Variants in STARD13 observed in about 807,000 individuals in gnomAD.
STARD13 encodes stAR-related lipid transfer protein 13.
In STARD13, 62 loss-of-function variants were observed where a neutral mutation model predicts 106.4. The ratio of observed to expected loss-of-function variants is 0.58; its 90% CI spans 0.48 to 0.72. STARD13 has a LOEUF of 0.72. Ranked by LOEUF, STARD13 falls within the 30% of genes least tolerant of loss-of-function variation. The pLI is 0.00. For missense variants in STARD13, 1,387 were observed against 1,424.0 expected (o/e 0.97, Z 0.42); for synonymous variants, 565 against 553.0 (o/e 1.02, Z -0.31).
the STARD13 span, among the ~76,000 whole-genome samples, chr13:33,573,958 G>T: frequency 1.3e-5 from 2 of 152,068 alleles, no homozygotes; most frequent in Non-Finnish European, 1.5e-5. Context: ...ATAAAACTGT[G>T]ATTTCAGAGT....
the STARD13 span, among the ~76,000 whole-genome samples, chr13:33,532,400 T>C: frequency 9.2e-5 from 14 of 152,172 alleles, no homozygotes; most frequent in African/African-American, 3.1e-4. Flanking sequence ...TGGTAGAGTG[T>C]CTTGATATTA....
intron 1 of STARD13, among the ~76,000 whole-genome samples, chr13:33,180,191 T>G (rs1219043228): frequency 1.3e-5 from 2 of 152,254 alleles, no homozygotes; most frequent in African/African-American, 4.8e-5. Context: ...TGTGACACTT[T>G]GGATATGTGA....
At chr13:33,652,515 A>G in the STARD13 span, among the ~76,000 whole-genome samples, 24 of 152,346 alleles carry the variant, frequency 1.6e-4, no homozygotes, top group Middle Eastern at 3.4e-3. Flanking sequence ...TACTCCTCAT[A>G]TGGGTACAGA....
chr13:33,563,892 C>G, the STARD13 span, among the ~76,000 whole-genome samples: 1 of 147,300 alleles, frequency 6.8e-6, no homozygotes, highest in Non-Finnish European at 1.5e-5. Context: ...CACGAAAAAT[C>G]TGATTTAAAA....
chr13:33,142,874 G>A (rs1157450748), intron 3 of STARD13, among the ~76,000 whole-genome samples: 3 of 152,156 alleles, frequency 2.0e-5, no homozygotes, highest in South Asian at 2.1e-4. Context: ...GAACACATAC[G>A]TTGAAGCCCT....
chr13:33,215,119 T>TGGC (rs1887957791), intron 1 of STARD13, among the ~76,000 whole-genome samples: 1 of 75,568 alleles, frequency 1.3e-5, no homozygotes, highest in African/African-American at 5.1e-5. Flanking sequence ...AATGAGTACT[T>TGGC]GGGGGGGGGG....
chr13:33,528,230 A>G, the STARD13 span, among the ~76,000 whole-genome samples: 15 of 129,272 alleles, frequency 1.2e-4, no homozygotes, highest in African/African-American at 5.4e-4. Context: ...GTGTGTGTAT[A>G]TATATATATA....
At chr13:33,501,031 T>G in the STARD13 span, among the ~76,000 whole-genome samples, 1 of 142,520 alleles carries the variant, frequency 7.0e-6, no homozygotes, top group African/African-American at 2.6e-5. Flanking sequence ...CCTAAAAAAA[T>G]AACAAAAAAC....
At chr13:33,666,376 C>G in the STARD13 span, among the ~76,000 whole-genome samples, 1 of 152,200 alleles carries the variant, frequency 6.6e-6, no homozygotes, top group African/African-American at 2.4e-5. Context: ...TCACTGCAAG[C>G]TCCACCTCCC....
rs1314025533 is a variant in STARD13 at position 33,129,717 on chromosome 13, T to C, written c.960A>G (p.Arg320=). 2 of 1,614,150 alleles carry C rather than the reference T, an allele frequency of 1.2e-6. No individual in the cohort carries two copies. The highest frequency in any genetic ancestry group is 2.2e-5 in the East Asian group (1 of 44,884). The part of the protein sequence containing the change: ...DLQNSPPPAC[R]KGLPCSGKSS... Reference sequence around the variant, plus strand: ...ACTTGCCAGAGCATGGGAGCCCTTTTCTGCAGGCAGGTGGCGGCGAATTCT... The same window carrying C: ...ACTTGCCAGAGCATGGGAGCCCTTTCCTGCAGGCAGGTGGCGGCGAATTCT... Residue 320 remains arginine (R), a synonymous_variant, in exon 5 of 14, where the codon AGA becomes AGG. Transcript: ENST00000336934.
chr13:33,602,242 C>G, the STARD13 span, among the ~76,000 whole-genome samples: 1 of 152,098 alleles, frequency 6.6e-6, no homozygotes, highest in East Asian at 1.9e-4. Context: ...CAGGCACGTG[C>G]AACCACGCCC....
intron 1 of STARD13, among the ~76,000 whole-genome samples, chr13:33,202,839 C>T (rs762533099): frequency 1.3e-5 from 2 of 152,030 alleles, no homozygotes; most frequent in Admixed American, 6.6e-5. Flanking sequence ...AGGAGGGACA[C>T]GGGTGGCAAA....
At chr13:33,109,449 T>C (rs895843043) in intron 12 of STARD13, among the ~76,000 whole-genome samples, 2 of 152,228 alleles carry the variant, frequency 1.3e-5, no homozygotes, top group Non-Finnish European at 2.9e-5. Context: ...AGATGAGTTC[T>C]GAAGTCAAAC....
downstream of STARD13, among the ~76,000 whole-genome samples, chr13:33,346,554 G>A (rs1040698499): frequency 1.3e-5 from 2 of 152,150 alleles, no homozygotes; most frequent in Admixed American, 1.3e-4. Flanking sequence ...ATGGAAAAAA[G>A]CAAAAGGAAG....
chr13:33,185,854 A>G (rs1371634796), intron 1 of STARD13: 10 of 1,612,984 alleles, frequency 6.2e-6, no homozygotes, highest in Non-Finnish European at 8.5e-6. Flanking sequence ...TTGTACCCAC[A>G]TGCCCTTCTG....
At chr13:33,458,119 C>A in the STARD13 span, among the ~76,000 whole-genome samples, 1 of 151,538 alleles carries the variant, frequency 6.6e-6, no homozygotes, top group Non-Finnish European at 1.5e-5. Context: ...TCTGACAATG[C>A]CAAAGTAATT....
chr13:33,250,999 TAAGGA>T (rs1174300908), intron 1 of STARD13, among the ~76,000 whole-genome samples: 1 of 151,868 alleles, frequency 6.6e-6, no homozygotes, highest in East Asian at 1.9e-4. Context: ...GGGAATAGGA[TAAGGA>T]AGGGAAGGGA....
At chr13:33,640,585 G>A in the STARD13 span, among the ~76,000 whole-genome samples, 2 of 152,246 alleles carry the variant, frequency 1.3e-5, no homozygotes, top group East Asian at 3.9e-4. Flanking sequence ...AGATGGTTTT[G>A]TTATTTGTCA....
At chr13:33,614,845 C>T in the STARD13 span, among the ~76,000 whole-genome samples, 1 of 151,976 alleles carries the variant, frequency 6.6e-6, no homozygotes, top group Admixed American at 6.6e-5. Flanking sequence ...TGAGTGAGTG[C>T]AAGAGGGAAA....
Sources: gnomAD v4.1 joint callset for allele counts (sites outside exome capture counted in the v4.1 genomes callset) on GRCh38, gnomAD v4.1.1 for gene constraint, MANE v1.5 for transcripts, NCBI Gene and HGNC (gene_info 2026-07-23, HGNC 2026-07-21) for gene names.